NPAS3: variants seen among roughly 807,000 people sequenced by gnomAD.
The protein encoded by NPAS3 is neuronal PAS domain protein 3, also known as neuronal PAS domain-containing protein 3.
NPAS3 carries 14 observed loss-of-function variants against 73.1 expected under a neutral mutation model. That is an observed-to-expected ratio of 0.19 (90% confidence interval 0.13 to 0.30). The LOEUF is 0.30. NPAS3 is among the 10% of genes least tolerant of loss of function. NPAS3 has a pLI of 1.00. For missense variants in NPAS3, 1,096 were observed against 1,250.0 expected, an observed-to-expected ratio of 0.88 and a Z score of 1.86; for synonymous variants, 620 against 541.5, an observed-to-expected ratio of 1.14 and a Z score of -2.01.
intron 4 of NPAS3, among the ~76,000 whole-genome samples, chr14:33,434,172 G>A (rs937462970): frequency 6.6e-6 from 1 of 151,640 alleles, no homozygotes; most frequent in Non-Finnish European, 1.5e-5. Context: ...AGCCTGGGCA[G>A]CAAGAGCAAA....
At chr14:33,529,981 C>G (rs772629311) in intron 4 of NPAS3, among the ~76,000 whole-genome samples, 20 of 152,106 alleles carry the variant, frequency 1.3e-4, no homozygotes, top group Non-Finnish European at 2.6e-4. Context: ...AGGCATCTGT[C>G]CCATTCGGTG....
chr14:33,673,078 A>G (rs2059657179), intron 5 of NPAS3, among the ~76,000 whole-genome samples: 2 of 152,186 alleles, frequency 1.3e-5, no homozygotes, highest in African/African-American at 4.8e-5. Context: ...TTGGCCAAAG[A>G]GTTCAATGGC....
intron 8 of NPAS3, among the ~76,000 whole-genome samples, chr14:33,777,681 T>A (rs1338388815): frequency 3.9e-5 from 6 of 152,196 alleles, no homozygotes; most frequent in Non-Finnish European, 8.8e-5. Context: ...TTTTGACATG[T>A]TTGTGTAAAC....
At chr14:33,184,894 C>T (rs557456389) in intron 2 of NPAS3, among the ~76,000 whole-genome samples, 1 of 152,236 alleles carries the variant, frequency 6.6e-6, no homozygotes, top group East Asian at 1.9e-4. Context: ...TAGGGAAGGC[C>T]AATAGGCAGC....
chr14:33,123,571 C>T (rs141445384), intron 2 of NPAS3, among the ~76,000 whole-genome samples: 1 of 152,044 alleles, frequency 6.6e-6, no homozygotes, highest in Non-Finnish European at 1.5e-5. Flanking sequence ...CAGAAGAAAC[C>T]ACTATCTGCC....
At chr14:33,367,203 A>C (rs374582427) in exon 4 of NPAS3, 2 of 864,596 alleles carry the variant, frequency 2.3e-6, no homozygotes, top group Admixed American at 1.8e-5. Context: ...TGCACAGCGA[A>C]GGAGAAGCCC....
In NPAS3 at chr14:33,018,766, G is replaced by A. The variant is rs190632723; in HGVS notation, c.51-37139G>A. Among the ~76,000 whole-genome samples the A allele has an allele frequency of 4.6e-5, 7 of 152,170 alleles. No homozygotes were observed. In the East Asian group the frequency reaches 1.4e-3, roughly 29 times the overall value. On this transcript the variant is annotated intron_variant, in intron 1 of 11. Coordinates refer to ENST00000356141, the Ensembl canonical transcript of NPAS3. Reference sequence around the variant, plus strand: ...CTGAATTCATTAGGTTACAAGAAAGGCAATTTCTTCTTCACAATTAATTGT... The same window carrying A: ...CTGAATTCATTAGGTTACAAGAAAGACAATTTCTTCTTCACAATTAATTGT...
At chr14:33,762,202 A>C (rs1880982937) in intron 7 of NPAS3, among the ~76,000 whole-genome samples, 1 of 152,188 alleles carries the variant, frequency 6.6e-6, no homozygotes, top group African/African-American at 2.4e-5. Flanking sequence ...CTAAACCATG[A>C]ATCATAAAAA....
At chr14:33,323,826 TG>T (rs2043568724) in intron 3 of NPAS3, among the ~76,000 whole-genome samples, 1 of 152,368 alleles carries the variant, frequency 6.6e-6, no homozygotes, top group African/African-American at 2.4e-5. Flanking sequence ...TAAATCATTC[TG>T]GTATAAATTA....
chr14:33,276,667 A>T (rs1203871569), intron 3 of NPAS3, among the ~76,000 whole-genome samples: 1 of 152,020 alleles, frequency 6.6e-6, no homozygotes, highest in Non-Finnish European at 1.5e-5. Context: ...AATAATGGCA[A>T]TTATTTCACA....
intron 4 of NPAS3, among the ~76,000 whole-genome samples, chr14:33,415,508 C>G (rs972285508): frequency 6.6e-6 from 1 of 152,102 alleles, no homozygotes; most frequent in African/African-American, 2.4e-5. Flanking sequence ...TAAACACTTG[C>G]TTCAATCTTC....
chr14:33,180,251 ATCG>A (rs1430769176), intron 2 of NPAS3, among the ~76,000 whole-genome samples: 1 of 152,016 alleles, frequency 6.6e-6, no homozygotes, highest in African/African-American at 2.4e-5. Context: ...TATTTTTCTT[ATCG>A]TATCTCCATT....
At chr14:33,798,027 C>T (rs1489261076) in intron 11 of NPAS3, among the ~76,000 whole-genome samples, 2 of 152,034 alleles carry the variant, frequency 1.3e-5, no homozygotes, top group Admixed American at 6.6e-5. Flanking sequence ...CCTGCTCTAA[C>T]CTCATAGCTA....
At chr14:33,455,862 C>T (rs1009954003) in intron 4 of NPAS3, among the ~76,000 whole-genome samples, 2 of 152,148 alleles carry the variant, frequency 1.3e-5, no homozygotes, top group African/African-American at 2.4e-5. Flanking sequence ...ACAGAAATGG[C>T]TGTTTCCTGC....
chr14:33,256,295 A>C (rs2048778479), intron 3 of NPAS3, among the ~76,000 whole-genome samples: 1 of 152,206 alleles, frequency 6.6e-6, no homozygotes, highest in Non-Finnish European at 1.5e-5. Flanking sequence ...TGATTTCATA[A>C]GTGATGCATT....
chr14:33,211,969 T>A (rs1167556318), intron 2 of NPAS3, among the ~76,000 whole-genome samples: 5 of 152,218 alleles, frequency 3.3e-5, no homozygotes, highest in African/African-American at 7.2e-5. Flanking sequence ...TATAACATTT[T>A]ACTCATGTAC....
At chr14:33,236,282 C>T (rs2048031562) in intron 3 of NPAS3, among the ~76,000 whole-genome samples, 1 of 152,078 alleles carries the variant, frequency 6.6e-6, no homozygotes, top group South Asian at 2.1e-4. Context: ...TGTTTCACCT[C>T]AAGCTCTGGC....
chr14:33,412,255 A>T (rs1228229182), intron 4 of NPAS3, among the ~76,000 whole-genome samples: 1 of 152,016 alleles, frequency 6.6e-6, no homozygotes, highest in Admixed American at 6.6e-5. Context: ...AGTAGCTGGG[A>T]CTACAGGTGT....
chr14:33,294,094 C>T (rs2042202205), intron 3 of NPAS3, among the ~76,000 whole-genome samples: 1 of 152,114 alleles, frequency 6.6e-6, no homozygotes, highest in Non-Finnish European at 1.5e-5. Context: ...GGAGGGAAAG[C>T]TTGCTGCCTG....
Sources: gnomAD v4.1 joint callset for allele counts (sites outside exome capture counted in the v4.1 genomes callset) on GRCh38, gnomAD v4.1.1 for gene constraint, MANE v1.5 for transcripts, NCBI Gene and HGNC (gene_info 2026-07-23, HGNC 2026-07-21) for gene names.